The following ABR variants were observed in gnomAD, a reference collection of about 807,000 sequenced individuals.
ABR encodes the protein ABR activator of RhoGEF and GTPase, also known as active breakpoint cluster region-related protein.
ABR carries 35 observed loss-of-function variants against 107.2 expected under a neutral mutation model. The observed-to-expected ratio is 0.33, with a 90% CI of 0.25 to 0.43. The LOEUF (loss-of-function observed/expected upper bound fraction) is 0.43, where lower values mean the gene tolerates loss of function less well. ABR is among the 20% of genes least tolerant of loss of function. The probability of loss-of-function intolerance (pLI) is 1.00; values close to 1 mark genes in which losing one functional copy is unlikely to be tolerated. For synonymous variants in ABR, 498 were observed against 462.0 expected, an observed-to-expected ratio of 1.08 and a Z score of -1.00; for missense variants, 815 against 1,115.2, an observed-to-expected ratio of 0.73 and a Z score of 3.83.
At chr17:1,180,449 C>G (rs1284167554), upstream of ABR, among the ~76,000 whole-genome samples, 1 of 152,180 alleles carries the variant, frequency 6.6e-6, no homozygotes, top group Non-Finnish European at 1.5e-5. Context: ...TTCCCCCGCT[C>G]GTCCCTTTCC....
At position 1,129,824 on chromosome 17, in the gene ABR, G is replaced by A. The variant is rs138237198; in HGVS notation, c.62-4457C>T. ...TAGCTGGGTGCGATGGCGGGTGCCT[G>A]TAATCCCAGCAACTTGGGAGGCTGA... is the stretch of plus-strand genomic sequence containing the variant. On this transcript the variant is annotated intron_variant, in intron 1 of 22. Transcript: ENST00000302538. 1.0e-3 allele frequency among the ~76,000 whole-genome samples: 157 copies of A among 152,308 alleles called. 1 individual carries two copies. Among genetic ancestry groups the A allele is most frequent in the African/African-American group, 3.4e-3 (143 of 41,576 alleles).
chr17:1,219,943 A>C (rs2043086186), intron 1 of ABR, among the ~76,000 whole-genome samples: 1 of 151,718 alleles, frequency 6.6e-6, no homozygotes, highest in South Asian at 2.1e-4. Flanking sequence ...CTTTGCAGAG[A>C]GTAGGTACTG....
At chr17:1,160,615 G>T (rs2041250206) in intron 1 of ABR, among the ~76,000 whole-genome samples, 1 of 152,222 alleles carries the variant, frequency 6.6e-6, no homozygotes, top group Non-Finnish European at 1.5e-5. Context: ...GCAGCAAACA[G>T]ACCAAATGTC....
upstream of ABR, among the ~76,000 whole-genome samples, chr17:1,183,265 C>A (rs1428091721): frequency 6.6e-6 from 1 of 152,144 alleles, no homozygotes. Context: ...CCCTTCTAAG[C>A]ATTCCCCAGA....
rs138166289 is a variant in ABR at position 1,086,241 on chromosome 17, G to A, written c.532-2614C>T. 1.2e-3 allele frequency among the ~76,000 whole-genome samples: 180 copies of A among 152,310 alleles called. 1 individual carries two copies. Among genetic ancestry groups the A allele is most frequent in the Non-Finnish European group, 2.2e-3 (152 of 68,026 alleles). On this transcript the variant is annotated intron_variant, in intron 4 of 22. Transcript: ENST00000302538. ...TAGACAGCAGTGCTCTGGAGCAAAT[G>A]GCCTATGTGTGTGCCCCAGGGGACT...
At chr17:1,099,613 G>A (rs748477265) in intron 3 of ABR, among the ~76,000 whole-genome samples, 17 of 152,156 alleles carry the variant, frequency 1.1e-4, no homozygotes, top group Non-Finnish European at 2.2e-4. Context: ...AGATTGACAC[G>A]CCACGATCAC....
rs150074340 is a variant in ABR at position 1,125,357 on chromosome 17, G to A, written c.72C>T (p.Tyr24=). The change falls in exon 2 of 23, where the codon TAC becomes TAT. Residue 24 remains tyrosine, a synonymous_variant. Transcript: ENST00000302538. The part of the protein sequence containing the change: ...WIDTLYSNFS[Y]GTDEYDGEGN... ...CCTCTCCGTCGTACTCGTCCGTCCCGTAGCTGAAGTCTGAGACAAGGAACA... is the reference window on the plus strand; with the variant it reads ...CCTCTCCGTCGTACTCGTCCGTCCCATAGCTGAAGTCTGAGACAAGGAACA... The A allele has an allele frequency of 1.2e-5, 20 of 1,613,292 alleles. No individual in the cohort carries two copies. The highest frequency in any genetic ancestry group is 4.5e-5 in the East Asian group (2 of 44,890).
intron 1 of ABR, among the ~76,000 whole-genome samples, chr17:1,166,137 C>G (rs531878386): frequency 6.6e-6 from 1 of 152,118 alleles, no homozygotes; most frequent in South Asian, 2.1e-4. Context: ...TGGAGTTTCA[C>G]TTCGGTCATT....
intron 16 of ABR, among the ~76,000 whole-genome samples, chr17:1,024,243 C>T (rs931882657): frequency 1.3e-5 from 2 of 152,152 alleles, no homozygotes; most frequent in Non-Finnish European, 2.9e-5. Context: ...CGAGAAGAAC[C>T]GTCTTGCCTG....
chr17:1,131,447 CT>C (rs1319849697), intron 1 of ABR, among the ~76,000 whole-genome samples: 6 of 15,678 alleles, frequency 3.8e-4, no homozygotes, highest in Non-Finnish European at 7.2e-4. Context: ...CAGCTCCCCC[CT>C]CTTTGCACAC....
At chr17:1,187,761 G>A (rs2042341320), upstream of ABR, among the ~76,000 whole-genome samples, 1 of 151,990 alleles carries the variant, frequency 6.6e-6, no homozygotes, top group African/African-American at 2.4e-5. Flanking sequence ...GGGCATGGTG[G>A]TGGGTGCCTG....
intron 3 of ABR, among the ~76,000 whole-genome samples, chr17:1,093,399 G>A (rs1179177260): frequency 6.6e-6 from 1 of 152,050 alleles, no homozygotes; most frequent in South Asian, 2.1e-4. Context: ...AACTCAGGAG[G>A]CAGAGGTTGC....
rs1307750181 is a variant in ABR, at chr17:1,109,928, A to T, written c.247-9193T>A. 1.3e-4 allele frequency among the ~76,000 whole-genome samples: 12 copies of T among 91,572 alleles called. 1 individual carries two copies. Among genetic ancestry groups the T allele is most frequent in the African/African-American group, 5.3e-4 (12 of 22,534 alleles). 60.1% of individuals were successfully genotyped at this position (91,572 alleles called of 152,430 possible). On this transcript the variant is annotated intron_variant, in intron 2 of 22. Coordinates refer to ENST00000302538, the MANE Select transcript of ABR (RefSeq NM_021962.5). Reference sequence around the variant, plus strand: ...ACCAGCACCCCCACCTCCTCTGAGCAGCCCCCCCACTCACAGACCAGCCCC... The same window carrying T: ...ACCAGCACCCCCACCTCCTCTGAGCTGCCCCCCCACTCACAGACCAGCCCC...
chr17:1,017,358 C>T (rs1486417750), intron 16 of ABR, among the ~76,000 whole-genome samples: 1 of 152,040 alleles, frequency 6.6e-6, no homozygotes, highest in Admixed American at 6.6e-5. Context: ...TGGGTCTGTC[C>T]CCAGCTCTGT....
intron 6 of ABR, among the ~76,000 whole-genome samples, chr17:1,074,386 C>G (rs1017107283): frequency 1.3e-5 from 2 of 151,320 alleles, no homozygotes; most frequent in African/African-American, 4.9e-5. Flanking sequence ...CCCGCAGAGT[C>G]CAGCATACCT....
chr17:1,081,008 C>G (rs1042578373), intron 5 of ABR, among the ~76,000 whole-genome samples: 2 of 152,160 alleles, frequency 1.3e-5, no homozygotes, highest in African/African-American at 2.4e-5. Context: ...CTCTGCCCTC[C>G]AGGGTGGGCA....
chr17:1,165,302 G>A (rs1416245982), intron 1 of ABR, among the ~76,000 whole-genome samples: 1 of 152,234 alleles, frequency 6.6e-6, no homozygotes, highest in African/African-American at 2.4e-5. Flanking sequence ...CGGGCAGAGG[G>A]AGCTCCTCAC....
rs190789987 is a variant in ABR at position 1,085,306 on chromosome 17, C to T, written c.532-1679G>A. ...TTTTTGTATTTTTTTTTAGTAGAGA[C>T]GGGGTTTCACCATGTTAGCCAGGAT... On this transcript the variant is annotated intron_variant, in intron 4 of 22. Transcript: ENST00000302538. Among the ~76,000 whole-genome samples, 387 of 150,134 alleles carry T rather than the reference C, an allele frequency of 2.6e-3. 3 individuals carry two copies. The highest frequency in any genetic ancestry group is 1.1e-3 in the Non-Finnish European group (74 of 67,666).
chr17:1,086,430 T>C (rs896504793), intron 4 of ABR, among the ~76,000 whole-genome samples: 2 of 152,050 alleles, frequency 1.3e-5, no homozygotes, highest in African/African-American at 4.8e-5. Context: ...AACTGTAAAA[T>C]ACGATTGCTG....
Sources: allele counts gnomAD v4.1 joint callset (sites outside exome capture counted in the v4.1 genomes callset), GRCh38; gene constraint gnomAD v4.1.1; transcripts MANE v1.5; gene names NCBI Gene and HGNC (gene_info 2026-07-23, HGNC 2026-07-21).